Variants in BNC2 observed in about 807,000 individuals in gnomAD.
The protein encoded by BNC2 is basonuclin zinc finger protein 2, also known as zinc finger protein basonuclin-2.
BNC2 carries 20 observed loss-of-function variants against 76.3 expected under a neutral mutation model. That is an observed-to-expected ratio of 0.26 (90% confidence interval 0.18 to 0.38). BNC2 has a LOEUF of 0.38. Ranked by LOEUF, BNC2 falls within the 10% of genes least tolerant of loss-of-function variation. The pLI is 1.00. For synonymous variants in BNC2, 582 were observed against 514.8 expected (o/e 1.13, Z -1.77); for missense variants, 1,382 against 1,399.8 (o/e 0.99, Z 0.20).
chr9:16,514,469 T>C (rs2131975405), intron 5 of BNC2, among the ~76,000 whole-genome samples: 1 of 151,894 alleles, frequency 6.6e-6, no homozygotes, highest in East Asian at 1.9e-4. Context: ...TTTCACCCAA[T>C]GCTGACATCT....
chr9:16,830,841 C>T (rs1416508336), intron 1 of BNC2, among the ~76,000 whole-genome samples: 1 of 152,142 alleles, frequency 6.6e-6, no homozygotes, highest in African/African-American at 2.4e-5. Context: ...ACACATTTAA[C>T]CTGGCAGAGG....
intron 5 of BNC2, among the ~76,000 whole-genome samples, chr9:16,483,178 C>T (rs1289797020): frequency 6.6e-6 from 1 of 152,144 alleles, no homozygotes; most frequent in South Asian, 2.1e-4. Flanking sequence ...CCTGTTTATA[C>T]CATAATGTAA....
intron 5 of BNC2, among the ~76,000 whole-genome samples, chr9:16,486,858 T>C (rs1277924850): frequency 6.6e-6 from 1 of 152,140 alleles, no homozygotes; most frequent in Non-Finnish European, 1.5e-5. Context: ...CCTGAGGAGC[T>C]GGGACTACAG....
intron 6 of BNC2, among the ~76,000 whole-genome samples, chr9:16,433,502 G>A (rs1820945283): frequency 6.6e-6 from 1 of 152,114 alleles, no homozygotes; most frequent in South Asian, 2.1e-4. Context: ...GGGTCTAAAC[G>A]TATATATGGC....
chr9:16,723,682 T>C (rs1239155091), intron 3 of BNC2, among the ~76,000 whole-genome samples: 1 of 152,092 alleles, frequency 6.6e-6, no homozygotes, highest in East Asian at 1.9e-4. Flanking sequence ...CTCTGAAAGG[T>C]GCTAGATTTT....
intron 1 of BNC2, among the ~76,000 whole-genome samples, chr9:16,840,593 A>C (rs961613004): frequency 2.0e-5 from 3 of 152,220 alleles, no homozygotes; most frequent in African/African-American, 7.2e-5. Flanking sequence ...GACAAACACT[A>C]TACAGTTTTG....
intron 5 of BNC2, among the ~76,000 whole-genome samples, chr9:16,495,471 T>C (rs185784715): frequency 3.1e-4 from 47 of 152,218 alleles, no homozygotes; most frequent in African/African-American, 8.9e-4. Flanking sequence ...AATAACATGG[T>C]TCCTGGGTTG....
intron 5 of BNC2, among the ~76,000 whole-genome samples, chr9:16,461,552 G>A (rs1242543874): frequency 1.4e-5 from 2 of 138,980 alleles, no homozygotes; most frequent in East Asian, 2.2e-4. Context: ...ATGAATAAAC[G>A]TTTCAATCCA....
intron 5 of BNC2, among the ~76,000 whole-genome samples, chr9:16,511,602 A>AT (rs1042461443): frequency 2.7e-5 from 4 of 150,624 alleles, no homozygotes; most frequent in African/African-American, 7.3e-5. Flanking sequence ...TAATTTTTGT[A>AT]TTTTTTTGTA....
In BNC2 at chr9:16,413,900, T is replaced by C. The variant is rs1236933258; in HGVS notation, c.*5089A>G. 1 of 152,188 alleles carries C rather than the reference T, an allele frequency of 6.6e-6. No individual in the cohort carries two copies. 9.4% of individuals were successfully genotyped at this position (152,188 alleles called of 1,614,324 possible). On this transcript the variant is annotated 3_prime_UTR_variant, in exon 7 of 7. Coordinates refer to ENST00000380672, the MANE Select transcript of BNC2 (RefSeq NM_017637.6). ...TGTTGTGTTGCTACAGTGGCAAGCATGAGTAATGATCAAGAAAGGAACGAT... is the reference window on the plus strand; with the variant it reads ...TGTTGTGTTGCTACAGTGGCAAGCACGAGTAATGATCAAGAAAGGAACGAT...
At chr9:16,805,826 A>C (rs1817896112) in intron 1 of BNC2, among the ~76,000 whole-genome samples, 1 of 152,182 alleles carries the variant, frequency 6.6e-6, no homozygotes, top group Admixed American at 6.5e-5. Flanking sequence ...TAAATGTAAA[A>C]CACAGATGGG....
At chr9:16,689,014 CAAGG>C (rs1371037470) in intron 3 of BNC2, among the ~76,000 whole-genome samples, 1 of 151,978 alleles carries the variant, frequency 6.6e-6, no homozygotes, top group African/African-American at 2.4e-5. Flanking sequence ...GAGAATTCAA[CAAGG>C]GAGGGCCAGT....
chr9:16,644,938 G>A (rs117707541), intron 3 of BNC2, among the ~76,000 whole-genome samples: 49 of 152,200 alleles, frequency 3.2e-4, no homozygotes, highest in Non-Finnish European at 5.7e-4. Context: ...AGTACACTTC[G>A]TAAAGCAGCC....
intron 1 of BNC2, among the ~76,000 whole-genome samples, chr9:16,841,812 T>C: frequency 8.7e-5 from 1 of 11,558 alleles, no homozygotes; most frequent in East Asian, 6.5e-3. Flanking sequence ...ATTATCAAAT[T>C]TGTTTTTTTT....
At chr9:16,516,779 T>A (rs970745315) in intron 5 of BNC2, among the ~76,000 whole-genome samples, 2 of 152,224 alleles carry the variant, frequency 1.3e-5, no homozygotes, top group Non-Finnish European at 2.9e-5. Flanking sequence ...GGTGTTTTAA[T>A]CCAGATAGTT....
At chr9:16,769,938 C>A (rs538763781) in intron 1 of BNC2, among the ~76,000 whole-genome samples, 1 of 152,226 alleles carries the variant, frequency 6.6e-6, no homozygotes, top group African/African-American at 2.4e-5. Flanking sequence ...TCCGGAATTA[C>A]AGAGAAATTT....
intron 1 of BNC2, among the ~76,000 whole-genome samples, chr9:16,787,361 C>A (rs904733785): frequency 2.0e-5 from 3 of 152,196 alleles, no homozygotes; most frequent in Non-Finnish European, 4.4e-5. Context: ...CGGCCTGGTG[C>A]TAGCATTCTA....
At chr9:16,760,427 G>C (rs1825519974) in intron 1 of BNC2, among the ~76,000 whole-genome samples, 1 of 152,152 alleles carries the variant, frequency 6.6e-6, no homozygotes, top group Admixed American at 6.5e-5. Flanking sequence ...AACCCTGCCA[G>C]ACAAAATCTT....
intron 3 of BNC2, among the ~76,000 whole-genome samples, chr9:16,686,104 T>C (rs2134354266): frequency 6.6e-6 from 1 of 152,348 alleles, no homozygotes; most frequent in South Asian, 2.1e-4. Context: ...AAATATTTGT[T>C]CAAATTTATT....
Sources: allele counts gnomAD v4.1 joint callset (sites outside exome capture counted in the v4.1 genomes callset), GRCh38; gene constraint gnomAD v4.1.1; transcripts MANE v1.5; gene names NCBI Gene and HGNC (gene_info 2026-07-23, HGNC 2026-07-21).